Variants in GABRA2 observed in about 807,000 individuals in gnomAD.
The protein encoded by GABRA2 is gamma-aminobutyric acid type A receptor subunit alpha2, also known as gamma-aminobutyric acid receptor subunit alpha-2.
GABRA2 carries 16 observed loss-of-function variants against 48.7 expected under a neutral mutation model. The ratio of observed to expected loss-of-function variants is 0.33; its 90% CI spans 0.22 to 0.50. The LOEUF (loss-of-function observed/expected upper bound fraction) is 0.50, where lower values mean the gene tolerates loss of function less well. Ranked by LOEUF, GABRA2 falls within the 20% of genes least tolerant of loss-of-function variation. GABRA2 has a pLI of 0.98. For synonymous variants in GABRA2, 185 were observed against 184.5 expected, an observed-to-expected ratio of 1.00 and a Z score of -0.02; for missense variants, 275 against 535.6, an observed-to-expected ratio of 0.51 and a Z score of 4.80.
chr4:46,377,868 GC>G (rs1166624655), intron 3 of GABRA2, among the ~76,000 whole-genome samples: 1 of 149,472 alleles, frequency 6.7e-6, no homozygotes, highest in East Asian at 2.0e-4. Context: ...GGGGGGGTCA[GC>G]CCCCCGCCCA....
At chr4:46,289,516 TAGGG>T (rs1488869579) in intron 8 of GABRA2, among the ~76,000 whole-genome samples, 1 of 151,944 alleles carries the variant, frequency 6.6e-6, no homozygotes, top group Non-Finnish European at 1.5e-5. Context: ...CATGGACACA[TAGGG>T]AGGAACAACA....
intron 3 of GABRA2, among the ~76,000 whole-genome samples, chr4:46,353,340 C>G (rs148824308): frequency 6.6e-6 from 1 of 152,206 alleles, no homozygotes; most frequent in East Asian, 1.9e-4. Context: ...GCAGTGCCCT[C>G]TTGACCAGTC....
intron 8 of GABRA2, among the ~76,000 whole-genome samples, chr4:46,288,071 G>A (rs992042231): frequency 2.0e-5 from 3 of 152,068 alleles, no homozygotes; most frequent in East Asian, 1.9e-4. Context: ...AACAGAATGA[G>A]AAACATCCAC....
At chr4:46,377,493 GC>G (rs1030364529) in intron 3 of GABRA2, among the ~76,000 whole-genome samples, 29 of 133,130 alleles carry the variant, frequency 2.2e-4, no homozygotes, top group Non-Finnish European at 2.7e-4. Context: ...GAGCCCCTCC[GC>G]CCAGCAACCG....
chr4:46,360,127 C>T (rs555596900), intron 3 of GABRA2, among the ~76,000 whole-genome samples: 2 of 152,190 alleles, frequency 1.3e-5, no homozygotes, highest in South Asian at 2.1e-4. Context: ...GTCAGCATTT[C>T]TTAAAGCTTA....
At chr4:46,323,494 G>A (rs966817741) in intron 4 of GABRA2, among the ~76,000 whole-genome samples, 5 of 151,846 alleles carry the variant, frequency 3.3e-5, no homozygotes, top group Middle Eastern at 3.4e-3. Context: ...TTCATTGAAA[G>A]CATTATCGTA....
At chr4:46,271,267 C>A (rs1186684286) in intron 8 of GABRA2, among the ~76,000 whole-genome samples, 1 of 151,798 alleles carries the variant, frequency 6.6e-6, no homozygotes, top group Non-Finnish European at 1.5e-5. Flanking sequence ...GGGTTTCCCC[C>A]GCTTCAGGCC....
chr4:46,250,635 T>A (rs1236789460), intron 9 of GABRA2, 31 bp from the exon 10 acceptor site: 8 of 1,517,792 alleles, frequency 5.3e-6, no homozygotes, highest in Non-Finnish European at 7.2e-6. Flanking sequence ...TAACAGAGTG[T>A]GGGTTGAGTC....
intron 8 of GABRA2, among the ~76,000 whole-genome samples, chr4:46,264,084 C>T (rs999816733): frequency 6.6e-6 from 1 of 151,932 alleles, no homozygotes; most frequent in Admixed American, 6.6e-5. Flanking sequence ...TGTTTGGATG[C>T]TAATGTAAAT....
intron 8 of GABRA2, among the ~76,000 whole-genome samples, chr4:46,284,890 G>A (rs2109489513): frequency 6.6e-6 from 1 of 151,938 alleles, no homozygotes; most frequent in East Asian, 1.9e-4. Flanking sequence ...GGACTTAGGG[G>A]AAGTGCAGGA....
chr4:46,361,095 A>T (rs937651042), intron 3 of GABRA2, among the ~76,000 whole-genome samples: 1 of 152,206 alleles, frequency 6.6e-6, no homozygotes, highest in Non-Finnish European at 1.5e-5. Context: ...TAGAAAAGAA[A>T]ATCCCATTTT....
At chr4:46,349,187 G>A (rs78492446) in intron 3 of GABRA2, among the ~76,000 whole-genome samples, 3,987 of 152,052 alleles carry the variant, frequency 0.026, 167 homozygotes, top group African/African-American at 0.092. Flanking sequence ...ACTGGGAAGC[G>A]AAAATTTATG....
chr4:46,291,203 C>A (rs887471549), intron 8 of GABRA2, among the ~76,000 whole-genome samples: 1 of 152,032 alleles, frequency 6.6e-6, no homozygotes, highest in Non-Finnish European at 1.5e-5. Flanking sequence ...AATATTAGCC[C>A]TCTGGTTCTA....
At chr4:46,251,454 C>A (rs1245451400) in intron 9 of GABRA2, among the ~76,000 whole-genome samples, 1 of 151,408 alleles carries the variant, frequency 6.6e-6, no homozygotes, top group African/African-American at 2.4e-5. Context: ...CCTGAAATAA[C>A]CTCAGTTTTC....
chr4:46,369,116 T>C, intron 3 of GABRA2: 2 of 632,640 alleles, frequency 3.2e-6, no homozygotes, highest in Non-Finnish European at 2.9e-6. Context: ...GCTAGGTTAA[T>C]ATACTCAAAC....
chr4:46,312,905 G>T (rs977760421), intron 4 of GABRA2, among the ~76,000 whole-genome samples, 189 bp from the exon 5 acceptor site: 1 of 151,906 alleles, frequency 6.6e-6, no homozygotes, highest in East Asian at 1.9e-4. Flanking sequence ...GATAAAGTAC[G>T]TCTGTGTATA....
rs547162774 is a variant in GABRA2, at chr4:46,338,371, C to A, written c.188-5689G>T. On this transcript the variant is annotated intron_variant, in intron 3 of 9. Coordinates refer to ENST00000381620, the MANE Select transcript of GABRA2 (RefSeq NM_000807.4). ...ACATGCAATTGAGCCAGTAAAGTTTCTAAGTACATAATCATCTGCATATTT... is the reference window on the plus strand; with the variant it reads ...ACATGCAATTGAGCCAGTAAAGTTTATAAGTACATAATCATCTGCATATTT... 1.1e-3 allele frequency among the ~76,000 whole-genome samples: 161 copies of A among 151,966 alleles called. 4 individuals carry two copies. The South Asian group carries it at 0.032, about 30-fold the overall frequency.
chr4:46,349,170 T>C (rs1734697342), intron 3 of GABRA2, among the ~76,000 whole-genome samples: 1 of 152,006 alleles, frequency 6.6e-6, no homozygotes, highest in South Asian at 2.1e-4. Context: ...AACATAATTC[T>C]ATATGCACTG....
At chr4:46,352,781 A>G (rs142033881) in intron 3 of GABRA2, among the ~76,000 whole-genome samples, 91 of 152,164 alleles carry the variant, frequency 6.0e-4, no homozygotes, top group African/African-American at 2.1e-3. Flanking sequence ...TGCAATCAAG[A>G]AGGATGTGAG....
Sources: gnomAD v4.1 joint callset for allele counts (sites outside exome capture counted in the v4.1 genomes callset) on GRCh38, gnomAD v4.1.1 for gene constraint, MANE v1.5 for transcripts, NCBI Gene and HGNC (gene_info 2026-07-23, HGNC 2026-07-21) for gene names.